Variants in ANAPC5 observed in about 807,000 individuals in gnomAD.
ANAPC5 encodes the protein anaphase promoting complex subunit 5.
ANAPC5 carries 60 observed loss-of-function variants against 91.3 expected under a neutral mutation model. The observed-to-expected ratio is 0.66, with a 90% CI of 0.53 to 0.81. ANAPC5 has a LOEUF of 0.81. Among genes scored for constraint, ANAPC5 ranks in the 40% least tolerant of loss-of-function variants. ANAPC5 has a pLI of 0.00. For synonymous variants in ANAPC5, 340 were observed against 364.1 expected (o/e 0.93, Z 0.75); for missense variants, 690 against 931.5 (o/e 0.74, Z 3.37).
chr12:121,326,656 A>G (rs1383522549), intron 11 of ANAPC5: 2 of 152,842 alleles, frequency 1.3e-5, no homozygotes, highest in Non-Finnish European at 2.9e-5. Context: ...TGAAATAGGG[A>G]TAACAACAAA....
At chr12:121,323,747 A>C (rs956663926) in intron 11 of ANAPC5, among the ~76,000 whole-genome samples, 1 of 152,142 alleles carries the variant, frequency 6.6e-6, no homozygotes, top group Non-Finnish European at 1.5e-5. Context: ...CTTTTATTTG[A>C]AGTGAATAAG....
At chr12:121,317,488 G>C (rs1457656237) in intron 15 of ANAPC5, among the ~76,000 whole-genome samples, 4 of 151,870 alleles carry the variant, frequency 2.6e-5, no homozygotes, top group Non-Finnish European at 4.4e-5. Context: ...TCCTGACCTT[G>C]TGATCTGCCC....
At position 121,347,011 on chromosome 12, in the gene ANAPC5, T is replaced by C. The variant is rs1555274786; in HGVS notation, c.288-6A>G. Reference sequence around the variant, plus strand: ...CTTCAGCCATCAGTTTGATTCTGAATGAGAAAATCGAGGTGCATATTTTAG... The same window carrying C: ...CTTCAGCCATCAGTTTGATTCTGAACGAGAAAATCGAGGTGCATATTTTAG... On this transcript the variant is annotated splice_region_variant and splice_polypyrimidine_tract_variant and intron_variant, in intron 2 of 16. Coordinates refer to ENST00000261819, the MANE Select transcript of ANAPC5 (RefSeq NM_016237.5). 4 of 1,587,994 alleles carry C rather than the reference T, an allele frequency of 2.5e-6. No homozygotes were observed. Among genetic ancestry groups the C allele is most frequent in the Admixed American group, 1.8e-5 (1 of 54,930 alleles).
At position 121,328,327 on chromosome 12, in the gene ANAPC5, C is replaced by T; in HGVS notation, c.1293G>A (p.Leu431=). Residue 431 remains leucine, a synonymous_variant, in exon 10 of 17, where the codon CTG becomes CTA. Coordinates refer to ENST00000261819, the MANE Select transcript of ANAPC5 (RefSeq NM_016237.5). The stretch of plus-strand genomic sequence containing the variant: ...CTTGGGAGACCTACCTGCGGCCATA[C>T]AGCCTCCAGATGGCCGTTTTCTGTG... ...SIAQKTAIWR[L]YGRSTMALQQ... 6.2e-7 allele frequency: 1 copy of T among 1,613,832 alleles called. No homozygotes were observed. Among genetic ancestry groups the T allele is most frequent in the Non-Finnish European group, 8.5e-7 (1 of 1,179,980 alleles).
In ANAPC5 at chr12:121,309,749, A is replaced by C; in HGVS notation, c.2008T>G (p.Cys670Gly). 1 of 1,614,154 alleles carries C rather than the reference A, an allele frequency of 6.2e-7. No homozygotes were observed. Among genetic ancestry groups the C allele is most frequent in the Non-Finnish European group, 8.5e-7 (1 of 1,180,018 alleles). The change falls in exon 16 of 17, where the codon TGC becomes GGC. Residue 670 changes from cysteine to glycine, a missense_variant. By Grantham distance (159) the Cys-to-Gly change is radical. This residue lies in a region of ANAPC5 where 317 missense variants were observed against 438.7 expected (regional missense o/e 0.72). Coordinates refer to ENST00000261819, the MANE Select transcript of ANAPC5 (RefSeq NM_016237.5). ...KGRAMFLVAK[C>G]QVASAASYDQ... is the part of the protein sequence containing the mutation. Reference sequence around the variant, plus strand: ...TAGGAAGCTGCTGAAGCCACCTGGCACTTGGCCACTAAGAACATGGCACGA... The same window carrying C: ...TAGGAAGCTGCTGAAGCCACCTGGCCCTTGGCCACTAAGAACATGGCACGA...
intron 15 of ANAPC5, among the ~76,000 whole-genome samples, chr12:121,317,578 AAAAG>A (rs1902420800): frequency 6.6e-6 from 1 of 152,182 alleles, no homozygotes; most frequent in African/African-American, 2.4e-5. Flanking sequence ...AAGAAAAAAA[AAAAG>A]AATCACTGAG....
Position 121,329,358 on chromosome 12 carries a change from C to T in ANAPC5, c.1123-861G>A, listed in dbSNP as rs947834372. ...TAGTAGAGACGAGCTTTTACCATAA[C>T]GGTCAGGCTGGTCTCAAACTCCTGA... On this transcript the variant is annotated intron_variant, in intron 9 of 16. Coordinates refer to ENST00000261819, the MANE Select transcript of ANAPC5 (RefSeq NM_016237.5). Among the ~76,000 whole-genome samples, 4 of 152,044 alleles carry T rather than the reference C, an allele frequency of 2.6e-5. No homozygotes were observed. The East Asian group carries it at 5.8e-4, about 22-fold the overall frequency.
rs1462877725 is a variant in ANAPC5 at position 121,351,242 on chromosome 12, C to T, written c.207+892G>A. 4 of 344,126 alleles carry T rather than the reference C, an allele frequency of 1.2e-5. No individual in the cohort carries two copies. In the Admixed American group the frequency reaches 1.5e-4, roughly 13 times the overall value. 21.3% of individuals were successfully genotyped at this position (344,126 alleles called of 1,614,324 possible). On this transcript the variant is annotated intron_variant, in intron 1 of 16. Coordinates refer to ENST00000261819, the MANE Select transcript of ANAPC5 (RefSeq NM_016237.5). The stretch of plus-strand genomic sequence containing the variant: ...AAAAAAATTAGCTGGGCGTAGTGAC[C>T]CGCGCCTGTACTCCCAGCTACTTGG...
Position 121,309,761 on chromosome 12 carries a change from A to C in ANAPC5, c.1996T>G (p.Leu666Val). The C allele has an allele frequency of 6.2e-7, 1 of 1,614,168 alleles. No individual in the cohort carries two copies. Among genetic ancestry groups the C allele is most frequent in the Non-Finnish European group, 8.5e-7 (1 of 1,180,034 alleles). ...AILDKGRAMF[L>V]VAKCQVASAA... Reference sequence around the variant, plus strand: ...GAAGCCACCTGGCACTTGGCCACTAAGAACATGGCACGACCTTTGTCCAGG... The same window carrying C: ...GAAGCCACCTGGCACTTGGCCACTACGAACATGGCACGACCTTTGTCCAGG... The change falls in exon 16 of 17, where the codon TTA becomes GTA. Residue 666 changes from leucine to valine, a missense_variant. Leu to Val is a conservative substitution (Grantham distance 32). This residue lies in a region of ANAPC5 where 317 missense variants were observed against 438.7 expected (regional missense o/e 0.72). Coordinates refer to ENST00000261819, the MANE Select transcript of ANAPC5 (RefSeq NM_016237.5).
In ANAPC5 at chr12:121,330,574, G is replaced by A. The variant is rs1429055778; in HGVS notation, c.1122+9C>T. The A allele has an allele frequency of 1.2e-6, 2 of 1,610,120 alleles. No homozygotes were observed. The highest frequency in any genetic ancestry group is 1.7e-6 in the Non-Finnish European group (2 of 1,178,094). Reference sequence around the variant, plus strand: ...TATGGAAACAATCTCACAGAAAGATGAGCCTTACCGGTAACCCAAAATGTA... The same window carrying A: ...TATGGAAACAATCTCACAGAAAGATAAGCCTTACCGGTAACCCAAAATGTA... On this transcript the variant is annotated intron_variant, in intron 9 of 16. Transcript: ENST00000261819.
At chr12:121,327,009 T>C in intron 11 of ANAPC5, 87 bp downstream of exon 11, 1 of 1,473,836 alleles carries the variant, frequency 6.8e-7, no homozygotes, top group South Asian at 1.4e-5. Flanking sequence ...GTCCAACACG[T>C]GTCCAGTGCT....
At chr12:121,343,856 G>A (rs1903554957) in intron 4 of ANAPC5, among the ~76,000 whole-genome samples, 1 of 152,128 alleles carries the variant, frequency 6.6e-6, no homozygotes, top group South Asian at 2.1e-4. Flanking sequence ...TCAGAGCTCT[G>A]GACAGTGTAT....
intron 3 of ANAPC5, 23 bp downstream of exon 3, chr12:121,346,873 C>T: frequency 6.9e-7 from 1 of 1,456,614 alleles, no homozygotes; most frequent in Non-Finnish European, 9.4e-7. Context: ...ATACTCTCTG[C>T]TCTTCTTAGA....
At chr12:121,320,527 A>C (rs1267034348) in intron 11 of ANAPC5, 68 bp from the exon 12 acceptor site, 1 of 1,281,716 alleles carries the variant, frequency 7.8e-7, no homozygotes, top group African/African-American at 1.5e-5. Context: ...TACCATGCAC[A>C]GATGGTGACA....
Position 121,337,282 on chromosome 12 carries a change from A to G in ANAPC5, c.759+9T>C, listed in dbSNP as rs782308445. ...TCCAACACAGCAACAAATTCTGGGA[A>G]AGACTTACCGCTTCAGCAAAATCAG... On this transcript the variant is annotated intron_variant, in intron 6 of 16. Transcript: ENST00000261819. 6.2e-7 allele frequency: 1 copy of G among 1,608,000 alleles called. No homozygotes were observed. Among genetic ancestry groups the G allele is most frequent in the South Asian group, 1.1e-5 (1 of 90,882 alleles).
chr12:121,318,408 C>A lies in ANAPC5; in HGVS notation c.1762G>T (p.Ala588Ser). Residue 588 changes from alanine (A) to serine (S), a missense_variant, in exon 15 of 17, where the codon GCA becomes TCA. Around this residue, in one of 5 missense-constraint regions of ANAPC5, gnomAD observed 317 missense variants for 438.7 expected, o/e 0.72. Transcript: ENST00000261819. ...GAGGAAGATCGCCAGTACAGCTCTG[C>A]CACGGACAGTAGGACACTGACCGTA... is the stretch of plus-strand genomic sequence containing the variant. ...EMVISVLLSVAELYWRSSSPT... is the reference protein window; with the variant it reads ...EMVISVLLSVSELYWRSSSPT... 3 of 1,611,060 alleles carry A rather than the reference C, an allele frequency of 1.9e-6. No individual in the cohort carries two copies. The South Asian group carries it at 3.3e-5, about 18-fold the overall frequency.
chr12:121,333,985 C>T (rs1488215922), intron 7 of ANAPC5: 1 of 152,170 alleles, frequency 6.6e-6, no homozygotes, highest in Non-Finnish European at 1.5e-5. Context: ...CTTTTAAAGC[C>T]TCACAACTGG....
chr12:121,317,442 T>C (rs565122141), intron 15 of ANAPC5, among the ~76,000 whole-genome samples: 66 of 151,978 alleles, frequency 4.3e-4, no homozygotes, highest in Admixed American at 3.9e-3. Context: ...TTAATAGAGA[T>C]GGGGTTTCAC....
chr12:121,331,466 C>G (rs1555272907), intron 7 of ANAPC5, 38 bp from the exon 8 acceptor site: 1 of 1,525,688 alleles, frequency 6.6e-7, no homozygotes, highest in Non-Finnish European at 9.1e-7. Context: ...CATTAATAAT[C>G]ACAAACATGC....
Sources: allele counts gnomAD v4.1 joint callset (sites outside exome capture counted in the v4.1 genomes callset), GRCh38; gene constraint gnomAD v4.1.1; regional missense constraint gnomAD v4.1.1; transcripts MANE v1.5; gene names NCBI Gene and HGNC (gene_info 2026-07-23, HGNC 2026-07-21).